The following RGS20 variants were observed in gnomAD, a reference collection of about 807,000 sequenced individuals.
The protein encoded by RGS20 is regulator of G protein signaling 20, also known as gz-selective GTPase-activating protein.
In RGS20, 30 loss-of-function variants were observed where a neutral mutation model predicts 33.6. That is an observed-to-expected ratio of 0.89 (90% CI 0.67 to 1.21). The LOEUF is 1.21. RGS20 is among the 50% of genes most tolerant of loss of function. The pLI, the probability that RGS20 is intolerant of heterozygous loss-of-function variation, is 0.00. For missense variants in RGS20, 472 were observed against 502.4 expected, an observed-to-expected ratio of 0.94 and a Z score of 0.58; for synonymous variants, 208 against 197.9, an observed-to-expected ratio of 1.05 and a Z score of -0.43.
At chr8:53,928,641 T>G (rs1813867704) in intron 2 of RGS20, among the ~76,000 whole-genome samples, 1 of 151,936 alleles carries the variant, frequency 6.6e-6, no homozygotes, top group Non-Finnish European at 1.5e-5. Flanking sequence ...CTGACCAAAA[T>G]GGAGAAACCC....
chr8:53,879,086 T>G (rs891459829), intron 1 of RGS20, among the ~76,000 whole-genome samples: 1 of 152,080 alleles, frequency 6.6e-6, no homozygotes, highest in Non-Finnish European at 1.5e-5. Context: ...AGTTAGGAAA[T>G]ACAGGAGTGG....
chr8:53,861,668 G>A (rs1475055902), intron 1 of RGS20, among the ~76,000 whole-genome samples: 1 of 152,202 alleles, frequency 6.6e-6, no homozygotes, highest in Non-Finnish European at 1.5e-5. Context: ...TTCATTTGAA[G>A]AGAAAGTATT....
At chr8:53,889,756 T>C (rs965614272) in intron 2 of RGS20, among the ~76,000 whole-genome samples, 17 of 134,000 alleles carry the variant, frequency 1.3e-4, no homozygotes, top group Admixed American at 2.3e-4. Flanking sequence ...TGTGTGTGTG[T>C]GCACGTGCTG....
At chr8:53,881,116 T>C in intron 2 of RGS20, 32 bp downstream of exon 1, 13 of 1,465,280 alleles carry the variant, frequency 8.9e-6, no homozygotes, top group Non-Finnish European at 1.1e-5. Flanking sequence ...ACTCTCTTTC[T>C]TCGTCTCGGG....
chr8:53,887,973 T>C (rs996350127), intron 2 of RGS20, among the ~76,000 whole-genome samples: 3 of 150,544 alleles, frequency 2.0e-5, no homozygotes, highest in Non-Finnish European at 4.4e-5. Flanking sequence ...AGTGAGACCC[T>C]GACTTAAAAA....
chr8:53,887,917 T>G (rs1038811504), intron 2 of RGS20, among the ~76,000 whole-genome samples: 1 of 151,724 alleles, frequency 6.6e-6, no homozygotes, highest in Non-Finnish European at 1.5e-5. Flanking sequence ...ACACTGAGGT[T>G]GCAGTGGGCC....
At chr8:53,939,187 A>G (rs1814216750) in intron 2 of RGS20, among the ~76,000 whole-genome samples, 1 of 152,104 alleles carries the variant, frequency 6.6e-6, no homozygotes, top group Admixed American at 6.5e-5. Context: ...AGGCAGCGTC[A>G]TGAAGCTGCC....
At chr8:53,938,690 G>A (rs1030739588) in intron 2 of RGS20, among the ~76,000 whole-genome samples, 17 of 152,172 alleles carry the variant, frequency 1.1e-4, no homozygotes, top group Non-Finnish European at 2.4e-4. Context: ...GTTCTTTAAT[G>A]TGTCCTTGAT....
intron 2 of RGS20, among the ~76,000 whole-genome samples, chr8:53,907,723 A>C (rs186599191): frequency 8.0e-4 from 121 of 151,994 alleles, no homozygotes; most frequent in African/African-American, 2.7e-3. Context: ...CCTGCATCTC[A>C]TGGCTTCTTA....
intron 2 of RGS20, among the ~76,000 whole-genome samples, chr8:53,901,806 C>T (rs1300557077): frequency 6.6e-6 from 1 of 151,862 alleles, no homozygotes; most frequent in African/African-American, 2.4e-5. Flanking sequence ...ATGATCATGC[C>T]TCCAAATAGC....
chr8:53,856,160 G>A lies in RGS20; in HGVS notation c.165+4096G>A, dbSNP rs527545204. Among the ~76,000 whole-genome samples the A allele has an allele frequency of 1.1e-4, 17 of 151,800 alleles. No individual in the cohort carries two copies. The South Asian group carries it at 1.9e-3, about 17-fold the overall frequency. On this transcript the variant is annotated intron_variant, in intron 1 of 5. Transcript: ENST00000297313. ...TACAAAATAAACTACAAAATCCCAC[G>A]CACCTGCACATACACTCACACACTT...
chr8:53,863,645 A>T (rs1361543939), intron 1 of RGS20, among the ~76,000 whole-genome samples: 1 of 152,102 alleles, frequency 6.6e-6, no homozygotes, highest in African/African-American at 2.4e-5. Flanking sequence ...GATGACATAA[A>T]GGGCAATGTC....
chr8:53,930,707 A>G (rs1019815084), intron 2 of RGS20, among the ~76,000 whole-genome samples: 1 of 152,094 alleles, frequency 6.6e-6, no homozygotes, highest in South Asian at 2.1e-4. Flanking sequence ...CACCACACTC[A>G]GCTAATTTTT....
chr8:53,907,186 T>G (rs1204235705), intron 2 of RGS20, among the ~76,000 whole-genome samples: 1 of 152,162 alleles, frequency 6.6e-6, no homozygotes, highest in East Asian at 1.9e-4. Context: ...TTCTTCCTTA[T>G]CTCAGATAAC....
At chr8:53,883,384 G>A (rs1812451934) in intron 2 of RGS20, among the ~76,000 whole-genome samples, 1 of 151,932 alleles carries the variant, frequency 6.6e-6, no homozygotes, top group Non-Finnish European at 1.5e-5. Flanking sequence ...GGCTGGTCTT[G>A]AACTCCCGGC....
chr8:53,879,602 G>T lies in RGS20; in HGVS notation c.510G>T (p.Pro170=), dbSNP rs1283648556. The T allele has an allele frequency of 1.3e-6, 2 of 1,496,226 alleles. No individual in the cohort carries two copies. The highest frequency in any genetic ancestry group is 5.1e-5 in the East Asian group (2 of 39,584). 92.7% of individuals were successfully genotyped at this position (1,496,226 alleles called of 1,614,324 possible). A position where few individuals can be genotyped will look rare whatever the true frequency, so the allele number is the denominator to read the frequency against. The change falls in exon 2 of 6, where the codon CCG becomes CCT. Residue 170 remains proline (P), a splice_region_variant and synonymous_variant. Transcript: ENST00000297313. ...CCGCTGGGCAGAGCTCGCCTATGCC[G>T]GTGAGTACCGTGGTCTCCACTACGC...
chr8:53,885,758 C>T (rs1334165219), intron 2 of RGS20, among the ~76,000 whole-genome samples: 1 of 150,306 alleles, frequency 6.7e-6, no homozygotes, highest in Non-Finnish European at 1.5e-5. Flanking sequence ...TGGTTTTTTC[C>T]AGTGTGTGAA....
intron 1 of RGS20, among the ~76,000 whole-genome samples, chr8:53,855,822 C>A (rs1585856187): frequency 6.6e-6 from 1 of 152,168 alleles, no homozygotes; most frequent in Non-Finnish European, 1.5e-5. Context: ...ACACACAAAT[C>A]ACCTACATTT....
At position 53,959,302 on chromosome 8, in the gene RGS20, A is replaced by G. The variant is rs1028547287; in HGVS notation, c.*844A>G. On this transcript the variant is annotated 3_prime_UTR_variant, in exon 6 of 6. Coordinates refer to ENST00000297313, the MANE Select transcript of RGS20 (RefSeq NM_170587.4). ...AAATAAAGCACAAGAATTTTATCTC[A>G]ATCTTTATTTTTCCATATGTACGTA... 1 of 152,220 alleles carries G rather than the reference A, an allele frequency of 6.6e-6. No individual in the cohort carries two copies. Among genetic ancestry groups the G allele is most frequent in the Non-Finnish European group, 1.5e-5 (1 of 68,034 alleles). The allele number at this position is 152,220 out of a possible 1,614,324, so 9.4% of individuals were successfully genotyped here. A position where few individuals can be genotyped will look rare whatever the true frequency, so the allele number is the denominator to read the frequency against.
Sources: gnomAD v4.1 joint callset for allele counts (sites outside exome capture counted in the v4.1 genomes callset) on GRCh38, gnomAD v4.1.1 for gene constraint, MANE v1.5 for transcripts, NCBI Gene and HGNC (gene_info 2026-07-23, HGNC 2026-07-21) for gene names.